SIDT1: variants seen among roughly 807,000 people sequenced by gnomAD.
SIDT1 encodes SID1 transmembrane family member 1.
SIDT1 carries 101 observed loss-of-function variants against 107.5 expected under a neutral mutation model. The ratio of observed to expected loss-of-function variants is 0.94; its 90% CI spans 0.80 to 1.11. The LOEUF (loss-of-function observed/expected upper bound fraction) is 1.11. Ranked by LOEUF, SIDT1 falls within the 50% of genes least tolerant of loss-of-function variation. The probability of loss-of-function intolerance (pLI) is 0.00; values close to 1 mark genes in which losing one functional copy is unlikely to be tolerated. For missense variants in SIDT1, 1,076 were observed against 1,058.2 expected (o/e 1.02, Z -0.23); for synonymous variants, 395 against 398.2 (o/e 0.99, Z 0.10).
chr3:113,608,354 A>G lies in SIDT1; in HGVS notation c.1603-65A>G, dbSNP rs13092525. On this transcript the variant is annotated intron_variant, in intron 16 of 24. Transcript: ENST00000264852. ...CATGAGGCCAGAAGCATGTGCTTCC[A>G]GATTAGTGACTTGGTGGATATGGCA... 2,045 of 1,531,634 alleles carry G rather than the reference A, an allele frequency of 1.3e-3. 1 individual carries two copies. The highest frequency in any genetic ancestry group is 1.7e-3 in the Non-Finnish European group (1,870 of 1,110,780). 94.9% of individuals were successfully genotyped at this position (1,531,634 alleles called of 1,614,324 possible).
chr3:113,630,545 C>T (rs142867603), downstream of SIDT1, among the ~76,000 whole-genome samples: 41 of 152,182 alleles, frequency 2.7e-4, no homozygotes, highest in African/African-American at 8.9e-4. Context: ...ATGCATGTGT[C>T]GGTAAATCAA....
In SIDT1 at chr3:113,548,884, C is replaced by T. The variant is rs116035069; in HGVS notation, c.222+15641C>T. Among the ~76,000 whole-genome samples the T allele has an allele frequency of 2.4e-3, 362 of 152,082 alleles. 1 individual carries two copies. Among genetic ancestry groups the T allele is most frequent in the African/African-American group, 8.2e-3 (342 of 41,492 alleles). The stretch of plus-strand genomic sequence containing the variant: ...GTCTTCATTTCCTCATGAGGATGTC[C>T]GTGTCACAAAAAACTATATTAACTT... On this transcript the variant is annotated intron_variant, in intron 1 of 24. Transcript: ENST00000264852.
chr3:113,633,358 A>G (rs1358758581), downstream of SIDT1, among the ~76,000 whole-genome samples: 2 of 152,180 alleles, frequency 1.3e-5, no homozygotes, highest in African/African-American at 4.8e-5. Flanking sequence ...TTGACTTTCA[A>G]AGGCTAGAAC....
chr3:113,600,600 AGCTGCAGCAGC>A (rs1413694879), intron 10 of SIDT1, among the ~76,000 whole-genome samples: 30 of 152,370 alleles, frequency 2.0e-4, no homozygotes, highest in South Asian at 4.1e-4. Flanking sequence ...CAGCAGTAGC[AGCTGCAGCAGC>A]AAAGCTCTAT....
intron 3 of SIDT1, among the ~76,000 whole-genome samples, chr3:113,571,465 G>T (rs1942440436): frequency 8.1e-6 from 1 of 124,064 alleles, no homozygotes; most frequent in Non-Finnish European, 1.7e-5. Flanking sequence ...AGCATTGCTT[G>T]GTGCCATCTA....
chr3:113,566,338 T>TTGTGTGTG lies in SIDT1; in HGVS notation c.223-62_223-55dup, dbSNP rs55802002. 4.8e-5 allele frequency: 53 copies of TTGTGTGTG among 1,099,436 alleles called. No individual in the cohort carries two copies. In the African/African-American group the frequency reaches 6.6e-4, roughly 14 times the overall value. 68.1% of individuals were successfully genotyped at this position (1,099,436 alleles called of 1,614,324 possible). ...CTATGGTGTGTGTGTTTGTGTGTGT[T>TTGTGTGTG]TGTGTGTGTGTGTGTGTGTGTGTGT... On this transcript the variant is annotated intron_variant, in intron 1 of 24. Transcript: ENST00000264852.
rs1313119875 is a variant in SIDT1 at position 113,533,309 on chromosome 3, T to TTGGAGTCCCC, written c.222+70_222+79dup. ...CAGATCTCAGAGCCCCGTCGCTGCTTTGGAGTCCCCTGGGAATTGACCTTG... is the reference window on the plus strand; with the variant it reads ...CAGATCTCAGAGCCCCGTCGCTGCTTTGGAGTCCCCTGGAGTCCCCTGGGAATTGACCTTG... On this transcript the variant is annotated intron_variant, in intron 1 of 24. Coordinates refer to ENST00000264852, the MANE Select transcript of SIDT1 (RefSeq NM_017699.3). The TTGGAGTCCCC allele has an allele frequency of 3.0e-5, 38 of 1,248,108 alleles. No individual in the cohort carries two copies. The African/African-American group carries it at 5.9e-4, about 19-fold the overall frequency. The allele number at this position is 1,248,108 out of a possible 1,614,324, so 77.3% of individuals were successfully genotyped here. A position where few individuals can be genotyped will look rare whatever the true frequency, so the allele number is the denominator to read the frequency against.
At chr3:113,563,418 G>A (rs1416905369) in intron 1 of SIDT1, among the ~76,000 whole-genome samples, 2 of 152,198 alleles carry the variant, frequency 1.3e-5, no homozygotes, top group African/African-American at 4.8e-5. Flanking sequence ...CAGGAATGGT[G>A]AAAACTTCCT....
In SIDT1 at chr3:113,607,083, T is replaced by G; in HGVS notation, c.1447T>G (p.Phe483Val). The change falls in exon 15 of 25, where the codon TTC (phenylalanine) becomes GTC (valine). Residue 483 changes from phenylalanine (F) to valine (V), a missense_variant. Physicochemically the swap from Phe to Val is conservative, Grantham distance 50 (BLOSUM62 -1). Coordinates refer to ENST00000264852, the MANE Select transcript of SIDT1 (RefSeq NM_017699.3). ...CAACCAGGACATCTGTTACTACAAC[T>G]TCCTCTGTGCTCACCCCTTGGGCGT... ...TGNQDICYYN[F>V]LCAHPLGVLS... 6.2e-7 allele frequency: 1 copy of G among 1,613,378 alleles called. No homozygotes were observed. Among genetic ancestry groups the G allele is most frequent in the South Asian group, 1.1e-5 (1 of 91,026 alleles).
downstream of SIDT1, among the ~76,000 whole-genome samples, chr3:113,630,522 G>A (rs1464127618): frequency 6.6e-6 from 1 of 152,168 alleles, no homozygotes; most frequent in Non-Finnish European, 1.5e-5. Flanking sequence ...AGAAGGTTCT[G>A]TGGGGTCACA....
intron 9 of SIDT1, 171 bp from the exon 10 acceptor site, chr3:113,592,834 C>G: frequency 1.6e-6 from 1 of 606,808 alleles, no homozygotes; most frequent in Non-Finnish European, 3.0e-6. Context: ...GATCCGCCTG[C>G]CTTGGCCTCC....
In SIDT1 at chr3:113,603,089, A is replaced by T. The variant is rs1166862168; in HGVS notation, c.1202A>T (p.Glu401Val). 6.2e-7 allele frequency: 1 copy of T among 1,614,140 alleles called. No individual in the cohort carries two copies. Among genetic ancestry groups the T allele is most frequent in the East Asian group, 2.2e-5 (1 of 44,882 alleles). Residue 401 changes from glutamate (E) to valine (V), a missense_variant, in exon 12 of 25, where the codon GAG (glutamate) becomes GTG (valine). Glu to Val is a moderately radical substitution (Grantham distance 121, BLOSUM62 -2). Coordinates refer to ENST00000264852, the MANE Select transcript of SIDT1 (RefSeq NM_017699.3). ...PGQSDTDSSV[E>V]ESDFDTMPDI... ...CAGTCAGACACAGACAGCTCCGTGG[A>T]GGAGAGCGACTTCGACACCATGCCA...
intron 1 of SIDT1, among the ~76,000 whole-genome samples, chr3:113,554,323 C>T (rs553266426): frequency 6.6e-6 from 1 of 152,322 alleles, no homozygotes; most frequent in East Asian, 1.9e-4. Context: ...ACTGCCCAAT[C>T]TGAACCCCAT....
At chr3:113,606,953 C>A in intron 14 of SIDT1, 88 bp from the exon 15 acceptor site, 1 of 818,768 alleles carries the variant, frequency 1.2e-6, no homozygotes, top group South Asian at 1.4e-5. Context: ...AGTGCATCTC[C>A]GTGAGCCCTG....
chr3:113,547,409 T>C (rs1352715027), intron 1 of SIDT1, among the ~76,000 whole-genome samples: 1 of 152,190 alleles, frequency 6.6e-6, no homozygotes, highest in Non-Finnish European at 1.5e-5. Context: ...ATATATTAAA[T>C]GTTGTTAATA....
chr3:113,541,932 T>C lies in SIDT1; in HGVS notation c.222+8689T>C, dbSNP rs984660459. 3.2e-4 allele frequency among the ~76,000 whole-genome samples: 49 copies of C among 151,014 alleles called. No individual in the cohort carries two copies. The Middle Eastern group carries it at 0.01, about 31-fold the overall frequency. On this transcript the variant is annotated intron_variant, in intron 1 of 24. Transcript: ENST00000264852. ...CAATTTTTCTTTTTCTTTCTTTTTT[T>C]TTTTTTTTTTAGATGGAGTCTTGTT...
intron 19 of SIDT1, among the ~76,000 whole-genome samples, chr3:113,614,565 C>T (rs549868584): frequency 6.6e-6 from 1 of 152,204 alleles, no homozygotes; most frequent in Non-Finnish European, 1.5e-5. Flanking sequence ...GCCTTTCTAC[C>T]CATGTCATAA....
chr3:113,547,338 TA>T (rs1939705818), intron 1 of SIDT1, among the ~76,000 whole-genome samples: 1 of 152,144 alleles, frequency 6.6e-6, no homozygotes, highest in African/African-American at 2.4e-5. Context: ...ATGTGGAGGC[TA>T]AAAAAGTTGA....
intron 10 of SIDT1, 42 bp downstream of exon 10, chr3:113,593,090 A>C (rs1423861183): frequency 1.3e-6 from 2 of 1,524,874 alleles, no homozygotes; most frequent in Admixed American, 1.7e-5. Context: ...GGTGTCGCAT[A>C]GTGTGGCAAC....
Sources: allele counts gnomAD v4.1 joint callset (sites outside exome capture counted in the v4.1 genomes callset), GRCh38; gene constraint gnomAD v4.1.1; transcripts MANE v1.5; gene names NCBI Gene and HGNC (gene_info 2026-07-23, HGNC 2026-07-21).